ERBB4: variants seen among roughly 807,000 people sequenced by gnomAD.
ERBB4 encodes the protein erb-b2 receptor tyrosine kinase 4, also known as receptor tyrosine-protein kinase erbB-4.
A neutral mutation model predicts 158.0 loss-of-function variants in ERBB4; 42 were observed. The ratio of observed to expected loss-of-function variants is 0.27; its 90% CI spans 0.21 to 0.34. ERBB4 has a LOEUF of 0.34. Ranked by LOEUF, ERBB4 falls within the 10% of genes least tolerant of loss-of-function variation. The probability of loss-of-function intolerance (pLI) is 1.00; values close to 1 mark genes in which losing one functional copy is unlikely to be tolerated. For missense variants in ERBB4, 1,333 were observed against 1,624.1 expected (o/e 0.82, Z 3.08); for synonymous variants, 583 against 558.7 (o/e 1.04, Z -0.61).
chr2:212,518,438 G>A (rs115755396), intron 1 of ERBB4, among the ~76,000 whole-genome samples: 12 of 151,930 alleles, frequency 7.9e-5, no homozygotes, highest in Admixed American at 7.9e-4. Context: ...AACCTTGGGA[G>A]ATAACTGAAC....
chr2:211,667,002 T>C (rs1322182271), intron 14 of ERBB4, among the ~76,000 whole-genome samples: 1 of 151,372 alleles, frequency 6.6e-6, no homozygotes, highest in Non-Finnish European at 1.5e-5. Flanking sequence ...AAACCAGGAG[T>C]GTCCAGTGTT....
chr2:212,051,375 T>C (rs543720407), intron 2 of ERBB4, among the ~76,000 whole-genome samples: 2 of 152,102 alleles, frequency 1.3e-5, no homozygotes, highest in Non-Finnish European at 2.9e-5. Flanking sequence ...TGAGAGGAAA[T>C]TGTTATCATT....
chr2:212,167,685 CA>C (rs1382534829), intron 1 of ERBB4, among the ~76,000 whole-genome samples: 1 of 151,978 alleles, frequency 6.6e-6, no homozygotes, highest in African/African-American at 2.4e-5. Flanking sequence ...GTCATGGAAC[CA>C]ACACAAATGC....
intron 20 of ERBB4, among the ~76,000 whole-genome samples, chr2:211,483,003 A>G (rs1397647210): frequency 6.6e-6 from 1 of 152,186 alleles, no homozygotes; most frequent in Non-Finnish European, 1.5e-5. Context: ...AACAATTACT[A>G]TAATTATATT....
intron 5 of ERBB4, among the ~76,000 whole-genome samples, chr2:211,745,441 G>T (rs896321859): frequency 1.3e-5 from 2 of 152,052 alleles, no homozygotes; most frequent in Non-Finnish European, 2.9e-5. Flanking sequence ...TGAATGTCAA[G>T]GACAGGCAGC....
At chr2:211,773,349 T>A (rs1575125123) in intron 4 of ERBB4, among the ~76,000 whole-genome samples, 2 of 151,678 alleles carry the variant, frequency 1.3e-5, no homozygotes, top group East Asian at 3.9e-4. Context: ...ATGTATAAAT[T>A]TACATAAATG....
chr2:211,498,132 C>T (rs1448634262), intron 20 of ERBB4, among the ~76,000 whole-genome samples: 1 of 152,054 alleles, frequency 6.6e-6, no homozygotes, highest in Non-Finnish European at 1.5e-5. Flanking sequence ...TTCTGTGTCT[C>T]TCACTGCTTT....
intron 1 of ERBB4, among the ~76,000 whole-genome samples, chr2:212,176,645 T>C (rs1406036658): frequency 1.3e-5 from 2 of 152,006 alleles, no homozygotes; most frequent in Non-Finnish European, 2.9e-5. Flanking sequence ...TAATGCTGAT[T>C]CATCCTTCTG....
intron 3 of ERBB4, among the ~76,000 whole-genome samples, chr2:211,792,562 T>C (rs1252015404): frequency 6.6e-6 from 1 of 151,836 alleles, no homozygotes; most frequent in Admixed American, 6.6e-5. Context: ...ACCAGGTAAA[T>C]AATGACGATC....
intron 2 of ERBB4, among the ~76,000 whole-genome samples, chr2:212,054,168 T>G (rs1044421681): frequency 6.6e-6 from 1 of 152,148 alleles, no homozygotes; most frequent in African/African-American, 2.4e-5. Flanking sequence ...ATATGTGCTA[T>G]GTAGGGAGTT....
At chr2:212,190,344 G>A (rs1159293552) in intron 1 of ERBB4, among the ~76,000 whole-genome samples, 1 of 152,128 alleles carries the variant, frequency 6.6e-6, no homozygotes, top group African/African-American at 2.4e-5. Flanking sequence ...AGACCATCCT[G>A]GCTAACAGGG....
chr2:212,298,622 A>G (rs10445811), intron 1 of ERBB4, among the ~76,000 whole-genome samples: 112,283 of 151,440 alleles, frequency 0.74, 45,812 homozygotes, highest in Non-Finnish European at 0.9. Context: ...CTCATGTCTA[A>G]GATACTACCA....
intron 1 of ERBB4, among the ~76,000 whole-genome samples, chr2:212,353,015 T>A (rs1420447737): frequency 6.6e-6 from 1 of 152,140 alleles, no homozygotes; most frequent in African/African-American, 2.4e-5. Context: ...AAATAACTGT[T>A]AAAAATCCTT....
chr2:212,457,360 C>T (rs1010684907), intron 1 of ERBB4, among the ~76,000 whole-genome samples: 3 of 150,914 alleles, frequency 2.0e-5, no homozygotes, highest in African/African-American at 7.3e-5. Context: ...CTTTATCCAA[C>T]CATCTACACT....
At chr2:211,944,186 T>TGTATATATATAA in intron 3 of ERBB4, among the ~76,000 whole-genome samples, 1 of 45,186 alleles carries the variant, frequency 2.2e-5, no homozygotes, top group African/African-American at 1.2e-4. Flanking sequence ...ACTATATATA[T>TGTATATATATAA]ATATATATAT....
intron 1 of ERBB4, among the ~76,000 whole-genome samples, chr2:212,309,018 A>G (rs1017839285): frequency 1.3e-5 from 2 of 150,916 alleles, no homozygotes; most frequent in South Asian, 2.1e-4. Context: ...TTGCTACAGT[A>G]AGTTAATTTG....
At chr2:212,264,493 C>T (rs796450713) in intron 1 of ERBB4, among the ~76,000 whole-genome samples, 18 of 152,184 alleles carry the variant, frequency 1.2e-4, no homozygotes, top group African/African-American at 3.6e-4. Context: ...GTGGGCTCTA[C>T]AGACAAGAAC....
chr2:211,879,276 T>C (rs2078599481), intron 3 of ERBB4, among the ~76,000 whole-genome samples: 2 of 152,042 alleles, frequency 1.3e-5, no homozygotes, highest in South Asian at 4.1e-4. Flanking sequence ...ACATTAATGA[T>C]AGCTAAGAGA....
chr2:212,111,510 CT>C (rs1272864510), intron 2 of ERBB4, among the ~76,000 whole-genome samples: 4 of 152,200 alleles, frequency 2.6e-5, no homozygotes, highest in African/African-American at 4.8e-5. Context: ...CTCTTTCCCC[CT>C]ATGCTATGGT....
Sources: gnomAD v4.1 joint callset for allele counts (sites outside exome capture counted in the v4.1 genomes callset) on GRCh38, gnomAD v4.1.1 for gene constraint, MANE v1.5 for transcripts, NCBI Gene and HGNC (gene_info 2026-07-23, HGNC 2026-07-21) for gene names.